Variants in PCDHGA1 observed in about 807,000 individuals in gnomAD.
The protein encoded by PCDHGA1 is protocadherin gamma-A1.
A neutral mutation model predicts 58.0 loss-of-function variants in PCDHGA1; 32 were observed. That is an observed-to-expected ratio of 0.55 (90% CI 0.42 to 0.74). The LOEUF (loss-of-function observed/expected upper bound fraction) is 0.74. Among genes scored for constraint, PCDHGA1 ranks in the 30% least tolerant of loss-of-function variants. The pLI, the probability that PCDHGA1 is intolerant of heterozygous loss-of-function variation, is 0.00. For synonymous variants in PCDHGA1, 498 were observed against 501.1 expected, an observed-to-expected ratio of 0.99 and a Z score of 0.08; for missense variants, 1,205 against 1,182.3, an observed-to-expected ratio of 1.02 and a Z score of -0.28.
intron 1 of PCDHGA1, chr5:141,410,107 G>A: frequency 3.1e-6 from 5 of 1,612,702 alleles, no homozygotes; most frequent in Non-Finnish European, 4.2e-6. Flanking sequence ...TAGGCGACAG[G>A]GACGCAGCCC....
At chr5:141,361,713 C>A in intron 1 of PCDHGA1, 1 of 1,613,404 alleles carries the variant, frequency 6.2e-7, no homozygotes, top group Non-Finnish European at 8.5e-7. Context: ...AGCAGCTGCG[C>A]GCCTTCGAGC....
intron 1 of PCDHGA1, chr5:141,389,169 C>G: frequency 6.2e-7 from 1 of 1,614,028 alleles, no homozygotes; most frequent in African/African-American, 1.3e-5. Flanking sequence ...GGGCAAGCCT[C>G]CCCTCTCCTC....
intron 1 of PCDHGA1, chr5:141,419,315 C>G (rs2096357855): frequency 1.2e-6 from 2 of 1,613,998 alleles, no homozygotes; most frequent in Non-Finnish European, 1.7e-6. Flanking sequence ...GCTCAACGGC[C>G]GTGTCTCCTA....
intron 1 of PCDHGA1, chr5:141,370,194 T>C: frequency 3.8e-6 from 2 of 525,176 alleles, no homozygotes; most frequent in East Asian, 3.0e-5. Flanking sequence ...TGGCTAGTGC[T>C]GTGCAAAATA....
rs145897132 is a variant in PCDHGA1, at chr5:141,395,374, T to C, written c.2421+62269T>C. The stretch of plus-strand genomic sequence containing the variant: ...CAGAGTTTTGGGTTTATTTTGGTGG[T>C]GTTACTATAAAATTGAACTCTAATA... On this transcript the variant is annotated intron_variant, in intron 1 of 3. Coordinates refer to ENST00000517417, the MANE Select transcript of PCDHGA1 (RefSeq NM_018912.3). 327 of 1,187,896 alleles carry C rather than the reference T, an allele frequency of 2.8e-4. 1 individual carries two copies. The African/African-American group carries it at 4.3e-3, about 16-fold the overall frequency. The allele number at this position is 1,187,896 out of a possible 1,614,324, so 73.6% of individuals were successfully genotyped here.
At position 141,486,028 on chromosome 5, in the gene PCDHGA1, C is replaced by T; in HGVS notation, c.2422-8779C>T. On this transcript the variant is annotated intron_variant, in intron 1 of 3. Transcript: ENST00000517417. This position sits in a 1 kb window ranked among gnomAD's most constrained non-coding sequence, Gnocchi z 5.0. ...TCACCTTTTATTTCAGTGGTCATAC[C>T]CCTGATCGTGTAAGAAACCTCTTTA... The T allele has an allele frequency of 6.2e-7, 1 of 1,614,134 alleles. No individual in the cohort carries two copies. Among genetic ancestry groups the T allele is most frequent in the Non-Finnish European group, 8.5e-7 (1 of 1,180,020 alleles).
At chr5:141,365,909 G>A in intron 1 of PCDHGA1, 1 of 1,614,190 alleles carries the variant, frequency 6.2e-7, no homozygotes. Flanking sequence ...GCAGTTGAGA[G>A]ACCTACAGTT....
chr5:141,375,510 C>T, intron 1 of PCDHGA1: 1 of 1,614,034 alleles, frequency 6.2e-7, no homozygotes, highest in Non-Finnish European at 8.5e-7. Context: ...TCTGTGAATG[C>T]ACTGGACCCT....
At chr5:141,341,957 C>T (rs1050364843) in intron 1 of PCDHGA1, 17 of 157,062 alleles carry the variant, frequency 1.1e-4, no homozygotes, top group Admixed American at 7.9e-4. Context: ...TAGAAATATA[C>T]ATTCCTTACA....
intron 1 of PCDHGA1, chr5:141,372,751 C>A (rs775212888): frequency 3.7e-6 from 6 of 1,613,192 alleles, no homozygotes; most frequent in Non-Finnish European, 4.2e-6. Flanking sequence ...GATGAAGCCT[C>A]TTGGTTTGAA....
At chr5:141,404,100 T>G in intron 1 of PCDHGA1, 1 of 1,613,618 alleles carries the variant, frequency 6.2e-7, no homozygotes, top group African/African-American at 1.3e-5. Context: ...GGTCAAGTTG[T>G]CTGTTCTATC....
intron 1 of PCDHGA1, chr5:141,393,436 A>G: frequency 1.2e-6 from 2 of 1,614,028 alleles, no homozygotes; most frequent in Middle Eastern, 1.6e-4. Flanking sequence ...GAGGCTGCTC[A>G]CCACCTGGTC....
chr5:141,332,976 G>T lies in PCDHGA1; in HGVS notation c.2292G>T (p.Arg764=), dbSNP rs560568026. ...AGGTCTCCCTCACTGCGGACTCGCG[G>T]AAGAGCCACCTGATTTTCCCCCAGC... ...SHEVSLTADS[R]KSHLIFPQPN... is the part of the protein sequence containing the mutation. The change falls in exon 1 of 4, where the codon CGG becomes CGT. Residue 764 remains arginine, a synonymous_variant. Transcript: ENST00000517417. This position sits in a 1 kb window ranked among gnomAD's most constrained non-coding sequence, Gnocchi z 4.6. The T allele has an allele frequency of 8.1e-6, 13 of 1,614,208 alleles. No individual in the cohort carries two copies. Among genetic ancestry groups the T allele is most frequent in the African/African-American group, 2.7e-5 (2 of 75,056 alleles).
rs139153105 is a variant in PCDHGA1 at position 141,432,400 on chromosome 5, G to T, written c.2422-62407G>T. 3.1e-6 allele frequency: 5 copies of T among 1,614,122 alleles called. No homozygotes were observed. In the African/African-American group the frequency reaches 4.0e-5, roughly 13 times the overall value. ...ACCCGCCCCTCAGCAGCAACGTGTC[G>T]TTGAGCCTGTTCGTGCTGGACCAGA... On this transcript the variant is annotated intron_variant, in intron 1 of 3. Transcript: ENST00000517417. The surrounding 1 kb of genome is among the most constrained non-coding windows in gnomAD (Gnocchi z 6.0).
At chr5:141,503,745 G>A (rs1377110427) in intron 2 of PCDHGA1, among the ~76,000 whole-genome samples, 3 of 152,220 alleles carry the variant, frequency 2.0e-5, no homozygotes, top group South Asian at 2.1e-4. Flanking sequence ...ATGGTATAGA[G>A]GTCACACATG....
Position 141,420,935 on chromosome 5 carries a change from A to G in PCDHGA1, c.2422-73872A>G, listed in dbSNP as rs542779087. ...GTGATTCACAAAGGTGAGCGTAATCATTTCTTCTGGAATTTCTTAGTCGTT... is the reference window on the plus strand; with the variant it reads ...GTGATTCACAAAGGTGAGCGTAATCGTTTCTTCTGGAATTTCTTAGTCGTT... On this transcript the variant is annotated intron_variant, in intron 1 of 3. Coordinates refer to ENST00000517417, the MANE Select transcript of PCDHGA1 (RefSeq NM_018912.3). 2.6e-5 allele frequency: 10 copies of G among 380,486 alleles called. 1 individual carries two copies. Among genetic ancestry groups the G allele is most frequent in the African/African-American group, 1.7e-4 (8 of 47,720 alleles). The allele number at this position is 380,486 out of a possible 1,614,324, so 23.6% of individuals were successfully genotyped here.
chr5:141,345,823 A>T, intron 1 of PCDHGA1: 3 of 1,612,304 alleles, frequency 1.9e-6, no homozygotes, highest in Non-Finnish European at 2.5e-6. Flanking sequence ...GTGGACAGAG[A>T]CTCGGGCCAG....
At chr5:141,479,975 C>A (rs1459297521) in intron 1 of PCDHGA1, among the ~76,000 whole-genome samples, 1 of 152,186 alleles carries the variant, frequency 6.6e-6, no homozygotes, top group East Asian at 1.9e-4. Context: ...TGAGGTTCTA[C>A]CATTTACCAA....
chr5:141,436,842 T>G (rs986680968), intron 1 of PCDHGA1, among the ~76,000 whole-genome samples: 3 of 152,376 alleles, frequency 2.0e-5, no homozygotes, highest in African/African-American at 7.2e-5. Flanking sequence ...CCTAGGCACA[T>G]TCTTGATTGA....
Sources: gnomAD v4.1 joint callset for allele counts (sites outside exome capture counted in the v4.1 genomes callset) on GRCh38, gnomAD v4.1.1 for gene constraint, Gnocchi (gnomAD v3.1) non-coding constraint, MANE v1.5 for transcripts, NCBI Gene and HGNC (gene_info 2026-07-23, HGNC 2026-07-21) for gene names.